The following SEMA3D variants were observed in gnomAD, a reference collection of about 807,000 sequenced individuals.
SEMA3D encodes semaphorin-3D.
SEMA3D carries 84 observed loss-of-function variants against 100.1 expected under a neutral mutation model. The observed-to-expected ratio is 0.84, with a 90% CI of 0.70 to 1.01. The LOEUF is 1.01. SEMA3D is among the 50% of genes least tolerant of loss of function. The probability of loss-of-function intolerance (pLI) is 0.00; values close to 1 mark genes in which losing one functional copy is unlikely to be tolerated. For missense variants in SEMA3D, 875 were observed against 934.1 expected, an observed-to-expected ratio of 0.94 and a Z score of 0.82; for synonymous variants, 312 against 320.7, an observed-to-expected ratio of 0.97 and a Z score of 0.29.
At chr7:85,089,124 G>A (rs1434843863) in intron 4 of SEMA3D, among the ~76,000 whole-genome samples, 4 of 152,138 alleles carry the variant, frequency 2.6e-5, no homozygotes, top group African/African-American at 9.7e-5. Context: ...CCTTAGGTAG[G>A]TGTGAATCTC....
At chr7:85,239,514 G>C in the SEMA3D span, among the ~76,000 whole-genome samples, 1 of 152,166 alleles carries the variant, frequency 6.6e-6, no homozygotes, top group Admixed American at 6.5e-5. Flanking sequence ...CTGTGGCACA[G>C]TGTCATAGCA....
intron 18 of SEMA3D, among the ~76,000 whole-genome samples, chr7:85,006,524 C>G (rs557236267): frequency 6.6e-6 from 1 of 151,776 alleles, no homozygotes; most frequent in Admixed American, 6.6e-5. Context: ...GGATTTGTTC[C>G]TAAATATAGG....
At chr7:85,008,944 C>T (rs78501460) in intron 17 of SEMA3D, among the ~76,000 whole-genome samples, 6,022 of 151,674 alleles carry the variant, frequency 0.04, 346 homozygotes, top group East Asian at 0.22. Flanking sequence ...ATTTTGTGTT[C>T]AGATTTGGGT....
In SEMA3D at chr7:84,995,957, A is replaced by G. The variant is rs537429897; in HGVS notation, c.*3483T>C. ...TTACTATGATAAAAATACATCTCCTATAAAAACACTTCAAATATCTTTTTT... is the reference window on the plus strand; with the variant it reads ...TTACTATGATAAAAATACATCTCCTGTAAAAACACTTCAAATATCTTTTTT... On this transcript the variant is annotated 3_prime_UTR_variant, in exon 19 of 19. Transcript: ENST00000284136. 10 of 151,770 alleles carry G rather than the reference A, an allele frequency of 6.6e-5. No individual in the cohort carries two copies. The highest frequency in any genetic ancestry group is 1.7e-4 in the African/African-American group (7 of 41,456). The allele number at this position is 151,770 out of a possible 1,614,324, so 9.4% of individuals were successfully genotyped here.
intron 13 of SEMA3D, among the ~76,000 whole-genome samples, chr7:85,021,398 C>A (rs191454661): frequency 1.8e-4 from 28 of 151,844 alleles, no homozygotes; most frequent in Non-Finnish European, 2.7e-4. Context: ...ATTAATTCTA[C>A]TTTTGACCCT....
intron 4 of SEMA3D, among the ~76,000 whole-genome samples, chr7:85,093,540 T>C (rs1229433844): frequency 6.6e-6 from 1 of 152,000 alleles, no homozygotes; most frequent in East Asian, 1.9e-4. Context: ...GATATTTTCA[T>C]CTTTGTAGTC....
chr7:85,159,964 C>T (rs754813629), intron 1 of SEMA3D: 22 of 984,402 alleles, frequency 2.2e-5, no homozygotes, highest in East Asian at 1.1e-4. Flanking sequence ...ATAAGTTCTA[C>T]GGTAACTACT....
rs1789595959 is a variant in SEMA3D at position 84,999,549 on chromosome 7, T to TGTCTCCGCTTCTCC, written c.2211_2224dup (p.Gln742ArgfsTer20). 6.2e-7 allele frequency: 1 copy of TGTCTCCGCTTCTCC among 1,614,204 alleles called. No individual in the cohort carries two copies. Among genetic ancestry groups the TGTCTCCGCTTCTCC allele is most frequent in the Non-Finnish European group, 8.5e-7 (1 of 1,180,036 alleles). On this transcript the variant is annotated frameshift_variant, in exon 19 of 19. Coordinates refer to ENST00000284136, the MANE Select transcript of SEMA3D (RefSeq NM_001384900.1). LOFTEE classifies it high-confidence loss of function. ...CCACTTTGGGCCCCCCTTGTTTCTC[T>TGTCTCCGCTTCTCC]GTCTCCGCTTCTCCCTGTGCCACAT... is the stretch of plus-strand genomic sequence containing the variant.
At chr7:85,202,070 T>A in the SEMA3D span, among the ~76,000 whole-genome samples, 1 of 151,756 alleles carries the variant, frequency 6.6e-6, no homozygotes, top group Non-Finnish European at 1.5e-5. Flanking sequence ...TATTTTTTAT[T>A]ATTATACTTT....
chr7:85,129,786 G>A (rs972265688), intron 2 of SEMA3D, among the ~76,000 whole-genome samples: 9 of 151,784 alleles, frequency 5.9e-5, no homozygotes, highest in Non-Finnish European at 8.8e-5. Flanking sequence ...TTATATAAAC[G>A]GATAAAGAAA....
intron 1 of SEMA3D, among the ~76,000 whole-genome samples, chr7:85,174,030 C>T (rs1018024658): frequency 1.3e-5 from 2 of 152,064 alleles, no homozygotes; most frequent in Admixed American, 6.6e-5. Context: ...GCCAGGGCTC[C>T]TGGTGTGCTG....
intron 1 of SEMA3D, among the ~76,000 whole-genome samples, chr7:85,181,532 T>C (rs1268841787): frequency 1.3e-5 from 2 of 151,984 alleles, no homozygotes; most frequent in Non-Finnish European, 2.9e-5. Flanking sequence ...AAATAAGAGA[T>C]TGAATAAATT....
At chr7:85,093,975 G>T (rs1185932737) in intron 4 of SEMA3D, among the ~76,000 whole-genome samples, 1 of 151,826 alleles carries the variant, frequency 6.6e-6, no homozygotes, top group African/African-American at 2.4e-5. Flanking sequence ...AGCAAAAGGT[G>T]AAAAAAATAT....
intron 1 of SEMA3D, among the ~76,000 whole-genome samples, chr7:85,175,805 A>G (rs192031493): frequency 3.3e-5 from 5 of 152,186 alleles, no homozygotes; most frequent in African/African-American, 1.2e-4. Context: ...ATGGGGAACT[A>G]TATAAATATA....
In SEMA3D at chr7:85,129,992, G is replaced by T. The variant is rs567458085; in HGVS notation, c.-40-8061C>A. ...AGCCTAATTTTATTTTTTTAAAAAA[G>T]ATGTGCTAAATTTATTAACACTATT... On this transcript the variant is annotated intron_variant, in intron 2 of 18. Coordinates refer to ENST00000284136, the MANE Select transcript of SEMA3D (RefSeq NM_001384900.1). Among the ~76,000 whole-genome samples the T allele has an allele frequency of 6.0e-4, 91 of 152,022 alleles. 2 individuals carry two copies. The highest frequency in any genetic ancestry group is 7.8e-4 in the Non-Finnish European group (53 of 67,968).
At chr7:85,010,312 T>C (rs1789916610) in intron 17 of SEMA3D, among the ~76,000 whole-genome samples, 1 of 151,820 alleles carries the variant, frequency 6.6e-6, no homozygotes, top group Non-Finnish European at 1.5e-5. Flanking sequence ...TTTTCACCAA[T>C]TGTTCTAAGA....
chr7:85,017,986 A>T (rs1374642743), intron 15 of SEMA3D, among the ~76,000 whole-genome samples: 1 of 151,754 alleles, frequency 6.6e-6, no homozygotes, highest in African/African-American at 2.4e-5. Flanking sequence ...TGATAGAATG[A>T]CATTCTCATG....
intron 18 of SEMA3D, 124 bp from the exon 19 acceptor site, chr7:84,999,989 G>C: frequency 1.3e-6 from 1 of 780,282 alleles, no homozygotes; most frequent in South Asian, 1.9e-5. Context: ...CTCTGTCTCT[G>C]TCATCAAGCA....
upstream of SEMA3D, among the ~76,000 whole-genome samples, chr7:85,189,088 C>G (rs552381548): frequency 6.6e-6 from 1 of 152,048 alleles, no homozygotes; most frequent in African/African-American, 2.4e-5. Context: ...ACATCTGGAA[C>G]GTGAATTCTG....
Sources: allele counts gnomAD v4.1 joint callset (sites outside exome capture counted in the v4.1 genomes callset), GRCh38; gene constraint gnomAD v4.1.1; transcripts MANE v1.5; gene names NCBI Gene and HGNC (gene_info 2026-07-23, HGNC 2026-07-21).